Variants in CLYBL observed in about 807,000 individuals in gnomAD.
The protein encoded by CLYBL is citramalyl-CoA lyase, mitochondrial.
In CLYBL, 31 loss-of-function variants were observed where a neutral mutation model predicts 38.9. The observed-to-expected ratio is 0.80, with a 90% CI of 0.60 to 1.08. The LOEUF (loss-of-function observed/expected upper bound fraction) is 1.08, where lower values mean the gene tolerates loss of function less well. Among genes scored for constraint, CLYBL ranks in the 50% least tolerant of loss-of-function variants. The probability of loss-of-function intolerance (pLI) is 0.00; values close to 1 mark genes in which losing one functional copy is unlikely to be tolerated. For missense variants in CLYBL, 434 were observed against 411.6 expected (o/e 1.05, Z -0.47); for synonymous variants, 171 against 158.6 (o/e 1.08, Z -0.59).
intron 1 of CLYBL, among the ~76,000 whole-genome samples, chr13:99,653,532 C>T (rs1388038859): frequency 2.0e-5 from 3 of 152,196 alleles, no homozygotes; most frequent in African/African-American, 7.2e-5. Context: ...TATGATGATC[C>T]AAAGAAATAG....
intron 1 of CLYBL, among the ~76,000 whole-genome samples, chr13:99,684,251 C>T (rs1315346870): frequency 1.5e-4 from 21 of 142,258 alleles, no homozygotes; most frequent in Admixed American, 1.1e-3. Context: ...GGCAGTGGCG[C>T]GATCTGCAAC....
chr13:99,771,061 T>C (rs868026699), intron 1 of CLYBL, among the ~76,000 whole-genome samples: 5 of 131,536 alleles, frequency 3.8e-5, no homozygotes, highest in Non-Finnish European at 6.3e-5. Flanking sequence ...TGAGGCAAGG[T>C]ATTGCTCTGT....
At chr13:99,651,383 A>C (rs1328373667) in intron 1 of CLYBL, among the ~76,000 whole-genome samples, 2 of 152,100 alleles carry the variant, frequency 1.3e-5, no homozygotes, top group African/African-American at 4.8e-5. Flanking sequence ...TAGACTGGCC[A>C]ACATGGCTAA....
chr13:99,665,770 T>C (rs2047471966), intron 1 of CLYBL, among the ~76,000 whole-genome samples: 1 of 152,188 alleles, frequency 6.6e-6, no homozygotes, highest in South Asian at 2.1e-4. Context: ...TGGTTTTCTT[T>C]AAACAACTCT....
intron 2 of CLYBL, among the ~76,000 whole-genome samples, chr13:99,814,184 A>G (rs1328891906): frequency 6.6e-6 from 1 of 152,226 alleles, no homozygotes; most frequent in Non-Finnish European, 1.5e-5. Context: ...GACATTTTCA[A>G]AAAGACAATT....
chr13:99,749,953 A>G (rs2048924502), intron 1 of CLYBL, among the ~76,000 whole-genome samples: 1 of 152,236 alleles, frequency 6.6e-6, no homozygotes, highest in African/African-American at 2.4e-5. Context: ...ATGCTGGTGT[A>G]AATACCTAGT....
chr13:99,618,749 C>T (rs1372777912), intron 1 of CLYBL, among the ~76,000 whole-genome samples: 1 of 152,194 alleles, frequency 6.6e-6, no homozygotes, highest in Non-Finnish European at 1.5e-5. Context: ...CCACCATTCT[C>T]ATTATTTTCA....
Position 99,730,435 on chromosome 13 carries a change from G to A in CLYBL, c.63-42389G>A, listed in dbSNP as rs189762513. Among the ~76,000 whole-genome samples the A allele has an allele frequency of 6.0e-5, 9 of 150,264 alleles. No homozygotes were observed. The East Asian group carries it at 8.6e-4, about 14-fold the overall frequency. ...ACGGGGAGAGCAGAAAGCTTTGGGC[G>A]TCCTGGCTGACTGGCCTCTTAGTGA... On this transcript the variant is annotated intron_variant, in intron 1 of 8. Coordinates refer to ENST00000339105, the MANE Select transcript of CLYBL (RefSeq NM_206808.5).
rs539546158 is a variant in CLYBL at position 99,635,122 on chromosome 13, C to T, written c.62+28365C>T. 4.9e-4 allele frequency among the ~76,000 whole-genome samples: 75 copies of T among 152,224 alleles called. 3 individuals carry two copies. The South Asian group carries it at 0.012, about 25-fold the overall frequency. ...CGGGTGATCAGGACACCATCGTGTG[C>T]TCTGTCACCCAAGCCAGCAGCCTGA... On this transcript the variant is annotated intron_variant, in intron 1 of 8. Coordinates refer to ENST00000339105, the MANE Select transcript of CLYBL (RefSeq NM_206808.5).
chr13:99,777,328 A>G (rs1202332636), intron 2 of CLYBL, among the ~76,000 whole-genome samples: 1 of 152,174 alleles, frequency 6.6e-6, no homozygotes, highest in Non-Finnish European at 1.5e-5. Flanking sequence ...GTCCAAAAAT[A>G]CCTTCTCCCT....
intron 1 of CLYBL, among the ~76,000 whole-genome samples, chr13:99,749,373 A>G (rs1018399183): frequency 2.6e-5 from 4 of 152,096 alleles, no homozygotes; most frequent in Non-Finnish European, 5.9e-5. Flanking sequence ...CCTGTCCTTT[A>G]TCTGATGTCC....
chr13:99,666,867 C>G (rs2047489072), intron 1 of CLYBL, among the ~76,000 whole-genome samples: 1 of 152,068 alleles, frequency 6.6e-6, no homozygotes, highest in Non-Finnish European at 1.5e-5. Context: ...AAAGATGTTC[C>G]TGGTGGTATT....
At chr13:99,649,902 A>G (rs1380593429) in intron 1 of CLYBL, among the ~76,000 whole-genome samples, 1 of 150,318 alleles carries the variant, frequency 6.7e-6, no homozygotes, top group African/African-American at 2.5e-5. Flanking sequence ...ATGCTTCATG[A>G]AAAAAAAAGA....
chr13:99,637,797 G>C (rs2047040609), intron 1 of CLYBL, among the ~76,000 whole-genome samples: 1 of 152,004 alleles, frequency 6.6e-6, no homozygotes, highest in Non-Finnish European at 1.5e-5. Context: ...TACAAAGTGT[G>C]AATATATATT....
chr13:99,716,409 TA>T (rs1192393704), intron 1 of CLYBL, among the ~76,000 whole-genome samples: 1 of 150,126 alleles, frequency 6.7e-6, no homozygotes, highest in Non-Finnish European at 1.5e-5. Context: ...TTTTTTTTTT[TA>T]ATAGAGTCTG....
intron 1 of CLYBL, among the ~76,000 whole-genome samples, chr13:99,761,127 G>A (rs2049157095): frequency 6.6e-6 from 1 of 152,170 alleles, no homozygotes; most frequent in Admixed American, 6.5e-5. Context: ...GCCGAGGCAG[G>A]CAGATCACGA....
chr13:99,711,833 A>G (rs1167341766), intron 1 of CLYBL, among the ~76,000 whole-genome samples: 1 of 151,928 alleles, frequency 6.6e-6, no homozygotes, highest in Non-Finnish European at 1.5e-5. Flanking sequence ...CTCCTGCCTC[A>G]GCCTCCAGAG....
chr13:99,739,489 G>A (rs1457931552), intron 1 of CLYBL, among the ~76,000 whole-genome samples: 7 of 152,148 alleles, frequency 4.6e-5, no homozygotes, highest in East Asian at 1.9e-4. Context: ...ACGGGCCCAC[G>A]GAAAGCCTGT....
intron 2 of CLYBL, among the ~76,000 whole-genome samples, chr13:99,855,787 G>GA (rs920463271): frequency 1.0e-4 from 15 of 146,560 alleles, no homozygotes; most frequent in South Asian, 2.2e-4. Flanking sequence ...ATACCAAAAA[G>GA]AAAAAAAAAA....
Sources: allele counts gnomAD v4.1 joint callset (sites outside exome capture counted in the v4.1 genomes callset), GRCh38; gene constraint gnomAD v4.1.1; transcripts MANE v1.5; gene names NCBI Gene and HGNC (gene_info 2026-07-23, HGNC 2026-07-21).